Variants in FTSJ3 observed in about 807,000 individuals in gnomAD.
FTSJ3 encodes the protein pre-rRNA 2'-O-ribose RNA methyltransferase FTSJ3.
FTSJ3 carries 46 observed loss-of-function variants against 111.5 expected under a neutral mutation model. That is an observed-to-expected ratio of 0.41 (90% CI 0.33 to 0.53). FTSJ3 has a LOEUF of 0.53. Ranked by LOEUF, FTSJ3 falls within the 20% of genes least tolerant of loss-of-function variation. The pLI, the probability that FTSJ3 is intolerant of heterozygous loss-of-function variation, is 0.19. For missense variants in FTSJ3, 1,075 were observed against 1,063.8 expected (o/e 1.01, Z -0.15); for synonymous variants, 408 against 383.0 (o/e 1.07, Z -0.76).
Position 63,823,840 on chromosome 17 carries a change from A to G in FTSJ3, c.1267T>C (p.Leu423=). The change falls in exon 13 of 21, where the codon TTG becomes CTG. Residue 423 remains leucine, a synonymous_variant. Transcript: ENST00000427159. Reference sequence around the variant, plus strand: ...ACCTGGTGACCCCGGATGGTGCTCAAGGAGAACATGCCAGTCTCCCCCTCG... The same window carrying G: ...ACCTGGTGACCCCGGATGGTGCTCAGGGAGAACATGCCAGTCTCCCCCTCG... ...ADEGETGMFS[L]STIRGHQLLE... is the part of the protein sequence containing the mutation. 6.2e-7 allele frequency: 1 copy of G among 1,614,084 alleles called. No homozygotes were observed. The highest frequency in any genetic ancestry group is 8.5e-7 in the Non-Finnish European group (1 of 1,179,994).
At chr17:63,824,436 T>C in intron 10 of FTSJ3, 25 bp from the exon 11 acceptor site, 2 of 1,610,000 alleles carry the variant, frequency 1.2e-6, no homozygotes, top group Non-Finnish European at 1.7e-6. Context: ...CTATTACTGA[T>C]CTTGCCATCT....
At chr17:63,822,330 G>T in intron 13 of FTSJ3, 162 bp from the exon 14 acceptor site, 1 of 615,972 alleles carries the variant, frequency 1.6e-6, no homozygotes, top group Non-Finnish European at 2.8e-6. Flanking sequence ...GTAGTGAATG[G>T]CCTGTTTACA....
In FTSJ3 at chr17:63,827,320, G is replaced by T. The variant is rs1022247837; in HGVS notation, c.-295C>A. ...TTCCTCATCCCCTTCCAAAGCCCCT[G>T]AACTCGAGTAGCCGCCCCTCCCATC... On this transcript the variant is annotated 5_prime_UTR_variant, in exon 1 of 21. Transcript: ENST00000427159. The T allele has an allele frequency of 2.8e-5, 23 of 815,498 alleles. No homozygotes were observed. Among genetic ancestry groups the T allele is most frequent in the Non-Finnish European group, 3.9e-5 (20 of 509,404 alleles). The allele number at this position is 815,498 out of a possible 1,614,324, so 50.5% of individuals were successfully genotyped here.
In FTSJ3 at chr17:63,825,385, C is replaced by T. The variant is rs1247638093; in HGVS notation, c.452G>A (p.Gly151Asp). The T allele has an allele frequency of 4.3e-6, 7 of 1,614,198 alleles. No homozygotes were observed. The highest frequency in any genetic ancestry group is 5.9e-6 in the Non-Finnish European group (7 of 1,180,032). ...LRLACDFLAR[G>D]GSFITKVFRS... Reference sequence around the variant, plus strand: ...GAAAACCTTTGTGATGAAGCTGCCACCACGGGCCAAAAAGTCACAAGCCAA... The same window carrying T: ...GAAAACCTTTGTGATGAAGCTGCCATCACGGGCCAAAAAGTCACAAGCCAA... The change falls in exon 7 of 21, where the codon GGT becomes GAT. Residue 151 changes from glycine (G) to aspartate (D), a missense_variant. Gly to Asp is a moderately conservative substitution (Grantham distance 94, BLOSUM62 -1). Coordinates refer to ENST00000427159, the MANE Select transcript of FTSJ3 (RefSeq NM_017647.4).
At position 63,819,713 on chromosome 17, in the gene FTSJ3, G is replaced by T; in HGVS notation, c.*89C>A. ...TCAGACAGCTGTGATGTGAGCAGGG[G>T]CTAGGCCGGTAATCAAGGGGGCCAG... is the stretch of plus-strand genomic sequence containing the variant. On this transcript the variant is annotated 3_prime_UTR_variant, in exon 21 of 21. Transcript: ENST00000427159. 8.1e-7 allele frequency: 1 copy of T among 1,232,554 alleles called. No homozygotes were observed. Among genetic ancestry groups the T allele is most frequent in the Non-Finnish European group, 1.1e-6 (1 of 877,614 alleles). The allele number at this position is 1,232,554 out of a possible 1,614,324, so 76.4% of individuals were successfully genotyped here.
rs776044110 is a variant in FTSJ3 at position 63,821,715 on chromosome 17, C to T, written c.1596+8G>A. 3.7e-6 allele frequency: 6 copies of T among 1,614,240 alleles called. No homozygotes were observed. Among genetic ancestry groups the T allele is most frequent in the Middle Eastern group, 3.3e-4 (2 of 6,062 alleles). ...CTCCCCGCAGTCTTGCCCCCGGCCT[C>T]TCCTTACCTTTGAGAACCACAGGTT... is the stretch of plus-strand genomic sequence containing the variant. On this transcript the variant is annotated splice_region_variant and intron_variant, in intron 15 of 20. Coordinates refer to ENST00000427159, the MANE Select transcript of FTSJ3 (RefSeq NM_017647.4).
chr17:63,821,309 G>A (rs1310362286), intron 16 of FTSJ3, 45 bp downstream of exon 16: 1 of 1,569,864 alleles, frequency 6.4e-7, no homozygotes, highest in Non-Finnish European at 8.6e-7. Context: ...AATGGTTCAA[G>A]CCACCGCTTC....
rs58278520 is a variant in FTSJ3, at chr17:63,826,186, G to A, written c.221-51C>T. ...CTAAAAGGTTGCTTCAAGCAGGGAG[G>A]AGAGAAATACAGGACAAAATACCTT... On this transcript the variant is annotated intron_variant, in intron 4 of 20. Transcript: ENST00000427159. 5,000 of 1,609,542 alleles carry A rather than the reference G, an allele frequency of 3.1e-3. 133 individuals carry two copies. In the African/African-American group the frequency reaches 0.059, roughly 19 times the overall value.
rs199877992 is a variant in FTSJ3, at chr17:63,824,441, C to T, written c.918-30G>A. Reference sequence around the variant, plus strand: ...CCCAGAGATACTATTACTGATCTTGCCATCTCCCTCTTTGTCCCCGCCCCC... The same window carrying T: ...CCCAGAGATACTATTACTGATCTTGTCATCTCCCTCTTTGTCCCCGCCCCC... On this transcript the variant is annotated intron_variant, in intron 10 of 20. Coordinates refer to ENST00000427159, the MANE Select transcript of FTSJ3 (RefSeq NM_017647.4). 3.7e-6 allele frequency: 6 copies of T among 1,607,702 alleles called. No homozygotes were observed. The African/African-American group carries it at 5.3e-5, about 14-fold the overall frequency.
rs1165398539 is a variant in FTSJ3 at position 63,824,552 on chromosome 17, G to A, written c.917+85C>T. 4 of 1,423,838 alleles carry A rather than the reference G, an allele frequency of 2.8e-6. No homozygotes were observed. In the South Asian group the frequency reaches 3.4e-5, roughly 12 times the overall value. The allele number at this position is 1,423,838 out of a possible 1,614,324, so 88.2% of individuals were successfully genotyped here. A position where few individuals can be genotyped will look rare whatever the true frequency, so the allele number is the denominator to read the frequency against. The stretch of plus-strand genomic sequence containing the variant: ...GCCCCCATCCCAAACCTTTAGCACA[G>A]CAATATCCTCTTCCCAGAGGTCCAA... On this transcript the variant is annotated intron_variant, in intron 10 of 20. Transcript: ENST00000427159.
chr17:63,822,171 G>A lies in FTSJ3; in HGVS notation c.1291-3C>T, dbSNP rs2040058213. On this transcript the variant is annotated splice_polypyrimidine_tract_variant and splice_region_variant and intron_variant, in intron 13 of 20. Coordinates refer to ENST00000427159, the MANE Select transcript of FTSJ3 (RefSeq NM_017647.4). ...CCTTGTGTTACTTCCTCTAATAACTGAAGTGTAACAGAAACAAAGGTAAAC... is the reference window on the plus strand; with the variant it reads ...CCTTGTGTTACTTCCTCTAATAACTAAAGTGTAACAGAAACAAAGGTAAAC... The A allele has an allele frequency of 6.2e-7, 1 of 1,612,170 alleles. No individual in the cohort carries two copies. The highest frequency in any genetic ancestry group is 8.5e-7 in the Non-Finnish European group (1 of 1,178,890).
Position 63,825,033 on chromosome 17 carries a change from T to C in FTSJ3, c.711+15A>G, listed in dbSNP as rs1405391792. 6.2e-7 allele frequency: 1 copy of C among 1,609,888 alleles called. No individual in the cohort carries two copies. The highest frequency in any genetic ancestry group is 8.5e-7 in the Non-Finnish European group (1 of 1,176,248). ...GTTCCAGGACCCAAGAGTGACCCCA[T>C]TCCCCAAAACACACCTTTGGCTTCT... is the stretch of plus-strand genomic sequence containing the variant. On this transcript the variant is annotated intron_variant, in intron 8 of 20. Transcript: ENST00000427159.
chr17:63,824,614 C>G, intron 10 of FTSJ3, 23 bp downstream of exon 10: 1 of 1,587,498 alleles, frequency 6.3e-7, no homozygotes, highest in Non-Finnish European at 8.7e-7. Flanking sequence ...GCTCCTGGCC[C>G]CCGTGCCTAC....
intron 16 of FTSJ3, 42 bp downstream of exon 16, chr17:63,821,309 GCCA>G: frequency 6.4e-7 from 1 of 1,569,864 alleles, no homozygotes; most frequent in Non-Finnish European, 8.6e-7. Context: ...AATGGTTCAA[GCCA>G]CCGCTTCCTT....
chr17:63,822,419 G>A (rs2040060323), intron 13 of FTSJ3, among the ~76,000 whole-genome samples: 1 of 152,076 alleles, frequency 6.6e-6, no homozygotes, highest in African/African-American at 2.4e-5. Flanking sequence ...AGGTCTTAAG[G>A]AAGGTACCTA....
At chr17:63,824,983 ACC>A (rs1349766611) in intron 8 of FTSJ3, 54 bp from the exon 9 acceptor site, 262 of 1,581,334 alleles carry the variant, frequency 1.7e-4, no homozygotes, top group Middle Eastern at 1.3e-3. Flanking sequence ...TACCTGTAGG[ACC>A]CACCAGGCCC....
Position 63,820,450 on chromosome 17 carries a change from G to A in FTSJ3, c.2073-12C>T, listed in dbSNP as rs2040038502. 1.2e-6 allele frequency: 2 copies of A among 1,613,308 alleles called. No individual in the cohort carries two copies. The highest frequency in any genetic ancestry group is 8.5e-7 in the Non-Finnish European group (1 of 1,179,486). The stretch of plus-strand genomic sequence containing the variant: ...CATTAAATGTGTACCTGAGTGGAAA[G>A]GACATCTGTCTAATATCCAACATTC... On this transcript the variant is annotated splice_polypyrimidine_tract_variant and intron_variant, in intron 18 of 20. Transcript: ENST00000427159.
At position 63,827,340 on chromosome 17, in the gene FTSJ3, C is replaced by T. The variant is rs2040118871; in HGVS notation, c.-315G>A. ...CCCCTGAACTCGAGTAGCCGCCCCT[C>T]CCATCATGGTTCCCTTAGTGTGGTC... On this transcript the variant is annotated 5_prime_UTR_variant, in exon 1 of 21. Coordinates refer to ENST00000427159, the MANE Select transcript of FTSJ3 (RefSeq NM_017647.4). 2 of 1,018,230 alleles carry T rather than the reference C, an allele frequency of 2.0e-6. No homozygotes were observed. The highest frequency in any genetic ancestry group is 2.9e-6 in the Non-Finnish European group (2 of 683,458). 63.1% of individuals were successfully genotyped at this position (1,018,230 alleles called of 1,614,324 possible).
At position 63,825,344 on chromosome 17, in the gene FTSJ3, G is replaced by C; in HGVS notation, c.493C>G (p.Gln165Glu). 6.2e-7 allele frequency: 1 copy of C among 1,614,220 alleles called. No individual in the cohort carries two copies. Among genetic ancestry groups the C allele is most frequent in the Non-Finnish European group, 8.5e-7 (1 of 1,180,034 alleles). Residue 165 changes from glutamine to glutamate, a missense_variant, in exon 7 of 21, where the codon CAG (glutamine) becomes GAG (glutamate). Coordinates refer to ENST00000427159, the MANE Select transcript of FTSJ3 (RefSeq NM_017647.4). Reference sequence around the variant, plus strand: ...TGCTGAAAGATCCATAGCAGAGGCTGATAGTCACGAGAACGGAAAACCTTT... The same window carrying C: ...TGCTGAAAGATCCATAGCAGAGGCTCATAGTCACGAGAACGGAAAACCTTT... ...ITKVFRSRDY[Q>E]PLLWIFQQLF...
Sources: allele counts gnomAD v4.1 joint callset (sites outside exome capture counted in the v4.1 genomes callset), GRCh38; gene constraint gnomAD v4.1.1; transcripts MANE v1.5; gene names NCBI Gene and HGNC (gene_info 2026-07-23, HGNC 2026-07-21).